COL27A1: variants seen among roughly 807,000 people sequenced by gnomAD.
COL27A1 encodes the protein collagen alpha-1(XXVII) chain.
COL27A1 carries 106 observed loss-of-function variants against 251.3 expected under a neutral mutation model. The ratio of observed to expected loss-of-function variants is 0.42; its 90% CI spans 0.36 to 0.50. The LOEUF is 0.50. COL27A1 is among the 20% of genes least tolerant of loss of function. The pLI is 0.00. For missense variants in COL27A1, 2,325 were observed against 2,522.8 expected (o/e 0.92, Z 1.68); for synonymous variants, 1,000 against 986.3 (o/e 1.01, Z -0.26).
At position 114,168,752 on chromosome 9, in the gene COL27A1, A is replaced by C; in HGVS notation, c.1197A>C (p.Ser399=). 6.2e-7 allele frequency: 1 copy of C among 1,613,994 alleles called. No individual in the cohort carries two copies. Among genetic ancestry groups the C allele is most frequent in the African/African-American group, 1.3e-5 (1 of 75,044 alleles). ...CAGCTCCATCTTCATTTACAAAGTCAGCCCTACCCACTCAGAAGCAAGTGC... is the reference window on the plus strand; with the variant it reads ...CAGCTCCATCTTCATTTACAAAGTCCGCCCTACCCACTCAGAAGCAAGTGC... ...QKTAPSSFTK[S]ALPTQKQVPP... The change falls in exon 3 of 61, where the codon TCA becomes TCC. Residue 399 remains serine, a synonymous_variant. Transcript: ENST00000356083.
Position 114,301,106 on chromosome 9 carries a change from T to TG in COL27A1, c.4739dup (p.Pro1581ThrfsTer10). 6.2e-7 allele frequency: 1 copy of TG among 1,613,508 alleles called. No individual in the cohort carries two copies. Among genetic ancestry groups the TG allele is most frequent in the Non-Finnish European group, 8.5e-7 (1 of 1,179,700 alleles). On this transcript the variant is annotated frameshift_variant, in exon 52 of 61. Transcript: ENST00000356083. LOFTEE classifies it high-confidence loss of function. ...GGCATCGTCGGGCCCCTCGGAATCCTGGGACCTTCGGGACTCCCGGTATGT... is the reference window on the plus strand; with the variant it reads ...GGCATCGTCGGGCCCCTCGGAATCCTGGGGACCTTCGGGACTCCCGGTATGT...
intron 1 of COL27A1, among the ~76,000 whole-genome samples, chr9:114,160,356 T>C: frequency 6.6e-6 from 1 of 151,948 alleles, no homozygotes; most frequent in East Asian, 1.9e-4. Context: ...GGGGTTTCGC[T>C]GTGTTAGCCA....
chr9:114,292,634 A>G (rs759220537), intron 49 of COL27A1, among the ~76,000 whole-genome samples: 11 of 152,192 alleles, frequency 7.2e-5, no homozygotes, highest in Non-Finnish European at 1.5e-4. Flanking sequence ...CAGTTTCAAT[A>G]CCCCAATTAA....
chr9:114,306,503 C>A lies in COL27A1; in HGVS notation c.4939-17C>A, dbSNP rs923375011. 9 of 1,613,324 alleles carry A rather than the reference C, an allele frequency of 5.6e-6. No homozygotes were observed. Among genetic ancestry groups the A allele is most frequent in the Non-Finnish European group, 7.6e-6 (9 of 1,179,764 alleles). ...CAGGACCCTAAGGTCCCAATGACCA[C>A]CCTCTCCTCGTGACAGAGTTACAGC... On this transcript the variant is annotated splice_polypyrimidine_tract_variant and intron_variant, in intron 57 of 60. Transcript: ENST00000356083.
At position 114,312,026 on chromosome 9, in the gene COL27A1, G is replaced by A. The variant is rs1459250531; in HGVS notation, c.*1331G>A. The A allele has an allele frequency of 1.3e-5, 2 of 152,290 alleles. No homozygotes were observed. Among genetic ancestry groups the A allele is most frequent in the East Asian group, 1.9e-4 (1 of 5,186 alleles). 9.4% of individuals were successfully genotyped at this position (152,290 alleles called of 1,614,324 possible). Reference sequence around the variant, plus strand: ...AATAATAATGGGAATCTCGGAGTTCGACACCATAGTGACGTTCAGCGTCCT... The same window carrying A: ...AATAATAATGGGAATCTCGGAGTTCAACACCATAGTGACGTTCAGCGTCCT... On this transcript the variant is annotated 3_prime_UTR_variant, in exon 61 of 61. Coordinates refer to ENST00000356083, the MANE Select transcript of COL27A1 (RefSeq NM_032888.4).
Position 114,282,623 on chromosome 9 carries a change from A to G in COL27A1, c.3879+59A>G, listed in dbSNP as rs902472087. The G allele has an allele frequency of 8.0e-6, 9 of 1,121,450 alleles. No individual in the cohort carries two copies. In the African/African-American group the frequency reaches 1.4e-4, roughly 18 times the overall value. 69.5% of individuals were successfully genotyped at this position (1,121,450 alleles called of 1,614,324 possible). ...ATGTGGAATAGAGGGAACCAAGGGC[A>G]GGAAAGGAGACACCAGGCTTCTCTG... On this transcript the variant is annotated intron_variant, in intron 39 of 60. Coordinates refer to ENST00000356083, the MANE Select transcript of COL27A1 (RefSeq NM_032888.4).
intron 41 of COL27A1, among the ~76,000 whole-genome samples, chr9:114,286,940 C>A (rs2131609557): frequency 6.6e-6 from 1 of 152,232 alleles, no homozygotes; most frequent in Non-Finnish European, 1.5e-5. Context: ...TGAAACAAAC[C>A]TCACAGAGTG....
At chr9:114,228,251 G>A (rs1250511522) in intron 14 of COL27A1, among the ~76,000 whole-genome samples, 4 of 152,240 alleles carry the variant, frequency 2.6e-5, no homozygotes, top group Non-Finnish European at 4.4e-5. Context: ...AGCCACTTCA[G>A]GCCTGGAGGG....
chr9:114,154,277 G>A (rs1355379310), upstream of COL27A1, among the ~76,000 whole-genome samples: 1 of 152,112 alleles, frequency 6.6e-6, no homozygotes, highest in East Asian at 1.9e-4. The surrounding 1 kb of genome is among the most constrained non-coding windows in gnomAD (Gnocchi z 5.8). Flanking sequence ...CTCGCCCCCC[G>A]CCCCCGCGCC....
rs1257764160 is a variant in COL27A1 at position 114,169,167 on chromosome 9, G to A, written c.1612G>A (p.Gly538Arg). 4.3e-6 allele frequency: 7 copies of A among 1,614,070 alleles called. No individual in the cohort carries two copies. The Admixed American group carries it at 1.2e-4, about 27-fold the overall frequency. The stretch of plus-strand genomic sequence containing the variant: ...TCCCACTGGAAGCAAGAAGCCCATT[G>A]GATCGGAAGCCTCAAAGAAAGCCGG... ...SAPTGSKKPIGSEASKKAGPK... is the reference protein window; with the variant it reads ...SAPTGSKKPIRSEASKKAGPK... The change falls in exon 3 of 61, where the codon GGA becomes AGA. Residue 538 changes from glycine (G) to arginine (R), a missense_variant. Physicochemically the swap from Gly to Arg is moderately radical, Grantham distance 125. Coordinates refer to ENST00000356083, the MANE Select transcript of COL27A1 (RefSeq NM_032888.4).
In COL27A1 at chr9:114,240,898, G is replaced by A. The variant is rs1832711792; in HGVS notation, c.2835+411G>A. Among the ~76,000 whole-genome samples, 3 of 152,240 alleles carry A rather than the reference G, an allele frequency of 2.0e-5. No individual in the cohort carries two copies. The South Asian group carries it at 6.2e-4, about 31-fold the overall frequency. ...GAGACTCAGTCAGGTCTTATGGTTA[G>A]TAGCAGGCAGGGCTGCAATGGGAAC... On this transcript the variant is annotated intron_variant, in intron 21 of 60. Transcript: ENST00000356083.
chr9:114,310,805 G>C lies in COL27A1; in HGVS notation c.*110G>C. ...AGGAGAGGCAGCTCCCCTGCCCAAG[G>C]GTCCTTGGGCAGACCCCAGCTGTTG... On this transcript the variant is annotated 3_prime_UTR_variant, in exon 61 of 61. Coordinates refer to ENST00000356083, the MANE Select transcript of COL27A1 (RefSeq NM_032888.4). 8.3e-7 allele frequency: 1 copy of C among 1,205,086 alleles called. No homozygotes were observed. The highest frequency in any genetic ancestry group is 1.2e-6 in the Non-Finnish European group (1 of 852,848). The allele number at this position is 1,205,086 out of a possible 1,614,324, so 74.6% of individuals were successfully genotyped here.
At position 114,162,745 on chromosome 9, in the gene COL27A1, G is replaced by A. The variant is rs745344423; in HGVS notation, c.93G>A (p.Ser31=). The stretch of plus-strand genomic sequence containing the variant: ...TTCTCTTCTCCTGGATCTTAGTCTC[G>A]TTTGCCTGTCACCTGGCCTCCACCC... ...GGFLFSWILV[S]FACHLASTQG... Residue 31 remains serine, a synonymous_variant, in exon 2 of 61, where the codon TCG becomes TCA. Coordinates refer to ENST00000356083, the MANE Select transcript of COL27A1 (RefSeq NM_032888.4). The A allele has an allele frequency of 3.6e-5, 58 of 1,612,458 alleles. 1 individual carries two copies. Among genetic ancestry groups the A allele is most frequent in the East Asian group, 2.5e-4 (11 of 44,744 alleles).
chr9:114,301,455 G>A lies in COL27A1; in HGVS notation c.4802G>A (p.Gly1601Asp). 1 of 1,610,930 alleles carries A rather than the reference G, an allele frequency of 6.2e-7. No individual in the cohort carries two copies. The highest frequency in any genetic ancestry group is 8.5e-7 in the Non-Finnish European group (1 of 1,179,618). The change falls in exon 54 of 61, where the codon GGT becomes GAT. Residue 1601 changes from glycine (G) to aspartate (D), a missense_variant. Gly to Asp is a moderately conservative substitution (Grantham distance 94). Transcript: ENST00000356083. ...KGSRGDWGLQ[G>D]PRGPPGPRGR... is the part of the protein sequence containing the mutation. ...TCTGTCTCCCTCCAGGGATTGCAAG[G>A]TCCGAGGGTGAGTGGGCTGGGCATG...
Position 114,277,369 on chromosome 9 carries a change from G to A in COL27A1, c.3717+1601G>A, listed in dbSNP as rs1342911980. On this transcript the variant is annotated intron_variant, in intron 37 of 60. Transcript: ENST00000356083. ...CTGCTGCCATCCCAGTCTCCCTGGG[G>A]TGTCATTTTCACTCTTCATCCCTCA... 4.6e-5 allele frequency among the ~76,000 whole-genome samples: 7 copies of A among 152,250 alleles called. No individual in the cohort carries two copies. In the East Asian group the frequency reaches 1.4e-3, roughly 29 times the overall value.
chr9:114,182,170 C>T (rs1827968864), intron 4 of COL27A1, among the ~76,000 whole-genome samples: 1 of 94,784 alleles, frequency 1.1e-5, no homozygotes, highest in South Asian at 4.2e-4. Context: ...AAGACTCCAT[C>T]TCTATAAAAT....
chr9:114,240,440 C>T lies in COL27A1; in HGVS notation c.2788C>T (p.Pro930Ser), dbSNP rs1168987521. The change falls in exon 21 of 61, where the codon CCT becomes TCT. Residue 930 changes from proline to serine, a missense_variant. Pro to Ser is a moderately conservative substitution (Grantham distance 74). Coordinates refer to ENST00000356083, the MANE Select transcript of COL27A1 (RefSeq NM_032888.4). ...TTTGTTCCCTTCTCCCCAGGGTAAGCCTGGAGCCCGAGGCCTGCCGGGACC... is the reference window on the plus strand; with the variant it reads ...TTTGTTCCCTTCTCCCCAGGGTAAGTCTGGAGCCCGAGGCCTGCCGGGACC... ...DNGPEGMKGK[P>S]GARGLPGPRG... 1.2e-6 allele frequency: 2 copies of T among 1,613,350 alleles called. No homozygotes were observed. Among genetic ancestry groups the T allele is most frequent in the Non-Finnish European group, 1.7e-6 (2 of 1,179,908 alleles).
At position 114,242,483 on chromosome 9, in the gene COL27A1, T is replaced by G. The variant is rs148209124; in HGVS notation, c.2880+252T>G. Among the ~76,000 whole-genome samples, 584 of 152,350 alleles carry G rather than the reference T, an allele frequency of 3.8e-3. 6 individuals are homozygous for G. The highest frequency in any genetic ancestry group is 0.013 in the African/African-American group (561 of 41,576). ...CCTTGATTCTCCCATGACACATGAT[T>G]GCTTTCCTTGGTTTCATTAGAGAAG... On this transcript the variant is annotated intron_variant, in intron 22 of 60. Coordinates refer to ENST00000356083, the MANE Select transcript of COL27A1 (RefSeq NM_032888.4).
chr9:114,280,697 T>C (rs1249745), intron 37 of COL27A1, among the ~76,000 whole-genome samples: 111,598 of 152,054 alleles, frequency 0.73, 41,974 homozygotes, highest in East Asian at 1. Flanking sequence ...ACTCAGGCAC[T>C]GGGTTGCAGG....
Sources: gnomAD v4.1 joint callset for allele counts (sites outside exome capture counted in the v4.1 genomes callset) on GRCh38, gnomAD v4.1.1 for gene constraint, Gnocchi (gnomAD v3.1) non-coding constraint, MANE v1.5 for transcripts, NCBI Gene and HGNC (gene_info 2026-07-23, HGNC 2026-07-21) for gene names.